Variants in FCAR observed in about 807,000 individuals in gnomAD.
The protein encoded by FCAR is immunoglobulin alpha Fc receptor.
Under a neutral mutation model 27.1 loss-of-function variants are expected in FCAR, and 21 were observed. That is an observed-to-expected ratio of 0.77 (90% CI 0.55 to 1.11). The LOEUF (loss-of-function observed/expected upper bound fraction) is 1.11. Among genes scored for constraint, FCAR ranks in the 50% most tolerant of loss-of-function variants. The pLI is 0.00. For missense variants in FCAR, 404 were observed against 358.4 expected, an observed-to-expected ratio of 1.13 and a Z score of -1.03; for synonymous variants, 134 against 135.8, an observed-to-expected ratio of 0.99 and a Z score of 0.09.
chr19:54,885,463 G>A lies in FCAR; in HGVS notation c.299G>A (p.Cys100Tyr), dbSNP rs752029317. ...GCAAACAAGGCAGGGCGCTATCAGTGCCAATATAGGATAGGGCACTACAGG... is the reference window on the plus strand; with the variant it reads ...GCAAACAAGGCAGGGCGCTATCAGTACCAATATAGGATAGGGCACTACAGG... Reference protein sequence around the residue: ...MDANKAGRYQCQYRIGHYRFR... With the variant: ...MDANKAGRYQYQYRIGHYRFR... Residue 100 changes from cysteine (C) to tyrosine (Y), a missense_variant, in exon 3 of 5, where the codon TGC (cysteine) becomes TAC (tyrosine). Cys to Tyr is a radical substitution (Grantham distance 194, BLOSUM62 -2). Coordinates refer to ENST00000355524, the MANE Select transcript of FCAR (RefSeq NM_002000.4). The A allele has an allele frequency of 6.2e-7, 1 of 1,613,852 alleles. No homozygotes were observed. The highest frequency in any genetic ancestry group is 8.5e-7 in the Non-Finnish European group (1 of 1,179,744).
rs369451126 is a variant in FCAR, at chr19:54,885,255, A to C, written c.91A>C (p.Ile31Leu). The C allele has an allele frequency of 5.6e-6, 9 of 1,613,244 alleles. No individual in the cohort carries two copies. Among genetic ancestry groups the C allele is most frequent in the Non-Finnish European group, 6.8e-6 (8 of 1,179,478 alleles). Residue 31 changes from isoleucine to leucine, a missense_variant, in exon 3 of 5, where the codon ATA (isoleucine) becomes CTA (leucine). Transcript: ENST00000355524. ...TCCAGGGGACTTTCCCATGCCTTTC[A>C]TATCTGCCAAATCGAGTCCTGTGAT... ...AQEGDFPMPF[I>L]SAKSSPVIPL...
At chr19:54,874,897 G>A (rs762669860) in intron 1 of FCAR, among the ~76,000 whole-genome samples, 3 of 151,976 alleles carry the variant, frequency 2.0e-5, no homozygotes, top group Non-Finnish European at 4.4e-5. Flanking sequence ...TTGGCCGGGC[G>A]CAGTGGCTCA....
intron 1 of FCAR, among the ~76,000 whole-genome samples, chr19:54,875,092 A>G (rs1434060664): frequency 6.6e-6 from 1 of 151,472 alleles, no homozygotes. Flanking sequence ...AATGGCATGA[A>G]CCTGGGAGGC....
Position 54,879,534 on chromosome 19 carries a change from T to C in FCAR, c.70+4169T>C, listed in dbSNP as rs587664866. Among the ~76,000 whole-genome samples the C allele has an allele frequency of 5.9e-5, 9 of 152,332 alleles. No individual in the cohort carries two copies. The East Asian group carries it at 1.7e-3, about 29-fold the overall frequency. ...GTTTGGCTGGGAATGAGATTCTTGG[T>C]TGGAAATTCTTTTCATAAGAACATT... On this transcript the variant is annotated intron_variant, in intron 2 of 4. Coordinates refer to ENST00000355524, the MANE Select transcript of FCAR (RefSeq NM_002000.4).
At chr19:54,881,881 AAAT>A (rs2066438697) in intron 2 of FCAR, among the ~76,000 whole-genome samples, 5 of 3,864 alleles carry the variant, frequency 1.3e-3, no homozygotes, top group African/African-American at 5.9e-3. Flanking sequence ...ACTCCGTCTC[AAAT>A]AAATAAATAA....
At chr19:54,881,270 A>G (rs1342996343) in intron 2 of FCAR, among the ~76,000 whole-genome samples, 1 of 152,124 alleles carries the variant, frequency 6.6e-6, no homozygotes, top group Non-Finnish European at 1.5e-5. Flanking sequence ...GGGGTGACAG[A>G]CTGGCCTCTT....
At chr19:54,887,140 T>C (rs971776476) in intron 3 of FCAR, among the ~76,000 whole-genome samples, 1 of 151,468 alleles carries the variant, frequency 6.6e-6, no homozygotes, top group African/African-American at 2.4e-5. Flanking sequence ...TAAGACCCCA[T>C]CTGTACAAAA....
rs587685728 is a variant in FCAR, at chr19:54,891,366, C to T, written c.*1503C>T. 3 of 152,228 alleles carry T rather than the reference C, an allele frequency of 2.0e-5. No individual in the cohort carries two copies. The highest frequency in any genetic ancestry group is 4.1e-4 in the South Asian group (2 of 4,832). The allele number at this position is 152,228 out of a possible 1,614,324, so 9.4% of individuals were successfully genotyped here. A position where few individuals can be genotyped will look rare whatever the true frequency, so the allele number is the denominator to read the frequency against. On this transcript the variant is annotated 3_prime_UTR_variant, in exon 5 of 5. Transcript: ENST00000355524. ...AGCTTATCTCTACTTGATAAAATTT[C>T]TACTGTATTCTTGGCTTAACTCAGG...
At chr19:54,886,309 T>A (rs1465664424) in intron 3 of FCAR, among the ~76,000 whole-genome samples, 40 of 137,048 alleles carry the variant, frequency 2.9e-4, no homozygotes, top group East Asian at 2.1e-3. Context: ...TTATTTTTTT[T>A]TTTTTTTTTT....
At chr19:54,875,415 T>G (rs2066040662) in intron 2 of FCAR, 50 bp downstream of exon 2, 2 of 1,507,712 alleles carry the variant, frequency 1.3e-6, no homozygotes, top group East Asian at 4.5e-5. Flanking sequence ...TCTTGGGAGC[T>G]CTAGGATAAA....
rs942569362 is a variant in FCAR, at chr19:54,891,160, C to G, written c.*1297C>G. 2.0e-5 allele frequency: 3 copies of G among 152,174 alleles called. No homozygotes were observed. Among genetic ancestry groups the G allele is most frequent in the African/African-American group, 7.2e-5 (3 of 41,442 alleles). The allele number at this position is 152,174 out of a possible 1,614,324, so 9.4% of individuals were successfully genotyped here. On this transcript the variant is annotated 3_prime_UTR_variant, in exon 5 of 5. Coordinates refer to ENST00000355524, the MANE Select transcript of FCAR (RefSeq NM_002000.4). The stretch of plus-strand genomic sequence containing the variant: ...CATTCTTTTTTCTTATAAACTTTCA[C>G]AGCTTTACCCTTGACAGACTTTACT...
chr19:54,889,936 G>C lies in FCAR; in HGVS notation c.*73G>C. 1 of 1,096,510 alleles carries C rather than the reference G, an allele frequency of 9.1e-7. No individual in the cohort carries two copies. Among genetic ancestry groups the C allele is most frequent in the African/African-American group, 1.6e-5 (1 of 63,460 alleles). The allele number at this position is 1,096,510 out of a possible 1,614,324, so 67.9% of individuals were successfully genotyped here. A position where few individuals can be genotyped will look rare whatever the true frequency, so the allele number is the denominator to read the frequency against. On this transcript the variant is annotated 3_prime_UTR_variant, in exon 5 of 5. Coordinates refer to ENST00000355524, the MANE Select transcript of FCAR (RefSeq NM_002000.4). ...AAAGCTACTTGAAGGACACAAGAGA[G>C]AAAAGCTCACTAAGAAGCTTGAATC...
chr19:54,876,922 G>A (rs587637133), intron 2 of FCAR, among the ~76,000 whole-genome samples: 10 of 152,230 alleles, frequency 6.6e-5, no homozygotes, highest in Admixed American at 2.6e-4. Context: ...CTCCTATATC[G>A]AATCAACCTT....
chr19:54,883,466 T>C (rs965610185), intron 2 of FCAR, among the ~76,000 whole-genome samples: 24 of 152,150 alleles, frequency 1.6e-4, no homozygotes, highest in African/African-American at 5.6e-4. Flanking sequence ...GCAGACAGGC[T>C]GTATCCTTCC....
chr19:54,887,489 C>T (rs2066804140), intron 3 of FCAR, among the ~76,000 whole-genome samples: 1 of 146,438 alleles, frequency 6.8e-6, no homozygotes, highest in Non-Finnish European at 1.5e-5. Context: ...GGCGTGGTGG[C>T]GGGTGCCTGT....
At position 54,875,375 on chromosome 19, in the gene FCAR, C is replaced by T. The variant is rs770775372; in HGVS notation, c.70+10C>T. On this transcript the variant is annotated intron_variant, in intron 2 of 4. Transcript: ENST00000355524. ...ATTCAGGCACAGGAAGGTAAGTGTC[C>T]TGTAAATCTCTCCCAGCCCCTTTAG... 6 of 1,611,882 alleles carry T rather than the reference C, an allele frequency of 3.7e-6. 1 individual carries two copies. In the East Asian group the frequency reaches 1.1e-4, roughly 30 times the overall value.
intron 3 of FCAR, among the ~76,000 whole-genome samples, chr19:54,885,986 C>T (rs2066698940): frequency 6.6e-6 from 1 of 152,162 alleles, no homozygotes; most frequent in Non-Finnish European, 1.5e-5. Context: ...GTGGCTCACG[C>T]CTGTAATCCC....
intron 3 of FCAR, among the ~76,000 whole-genome samples, chr19:54,886,261 C>A (rs2066715878): frequency 8.9e-6 from 1 of 112,370 alleles, no homozygotes; most frequent in African/African-American, 3.0e-5. Context: ...CACACACACA[C>A]AAAAAGATTT....
chr19:54,885,696 A>G (rs1408237867), intron 3 of FCAR, among the ~76,000 whole-genome samples, 171 bp downstream of exon 3: 1 of 152,254 alleles, frequency 6.6e-6, no homozygotes, highest in East Asian at 1.9e-4. Flanking sequence ...TTACATTAGT[A>G]TGGCACATTT....
Sources: gnomAD v4.1 joint callset for allele counts (sites outside exome capture counted in the v4.1 genomes callset) on GRCh38, gnomAD v4.1.1 for gene constraint, MANE v1.5 for transcripts, NCBI Gene and HGNC (gene_info 2026-07-23, HGNC 2026-07-21) for gene names.